Variants in GDPD1 observed in about 807,000 individuals in gnomAD.
The protein encoded by GDPD1 is lysophospholipase D GDPD1.
Under a neutral mutation model 45.1 loss-of-function variants are expected in GDPD1, and 28 were observed. The observed-to-expected ratio is 0.62, with a 90% CI of 0.46 to 0.85. The LOEUF (loss-of-function observed/expected upper bound fraction) is 0.85, where lower values mean the gene tolerates loss of function less well. Ranked by LOEUF, GDPD1 falls within the 40% of genes least tolerant of loss-of-function variation. The pLI, the probability that GDPD1 is intolerant of heterozygous loss-of-function variation, is 0.00. For missense variants in GDPD1, 256 were observed against 364.8 expected (o/e 0.70, Z 2.43); for synonymous variants, 139 against 131.4 (o/e 1.06, Z -0.40).
chr17:59,253,186 C>T (rs975890847), intron 4 of GDPD1, among the ~76,000 whole-genome samples: 8 of 152,052 alleles, frequency 5.3e-5, no homozygotes, highest in African/African-American at 1.9e-4. Flanking sequence ...ACTATTCCAT[C>T]AACCAACACA....
intron 4 of GDPD1, among the ~76,000 whole-genome samples, chr17:59,250,988 G>A (rs1452779183): frequency 2.0e-5 from 3 of 152,116 alleles, no homozygotes; most frequent in African/African-American, 7.2e-5. Context: ...TTATAAGCAT[G>A]AGCCACCACA....
chr17:59,243,721 T>G (rs1346947696), intron 2 of GDPD1, among the ~76,000 whole-genome samples: 2 of 152,254 alleles, frequency 1.3e-5, no homozygotes, highest in African/African-American at 4.8e-5. Flanking sequence ...ATGTGAATTC[T>G]ATATTCTTTG....
At chr17:59,240,410 G>A (rs1336913452) in intron 2 of GDPD1, among the ~76,000 whole-genome samples, 1 of 151,982 alleles carries the variant, frequency 6.6e-6, no homozygotes, top group Admixed American at 6.6e-5. Flanking sequence ...GTATTATTAC[G>A]AAAGAGTCAA....
intron 7 of GDPD1, among the ~76,000 whole-genome samples, chr17:59,267,675 T>C (rs567769502): frequency 6.7e-6 from 1 of 149,284 alleles, no homozygotes; most frequent in Non-Finnish European, 1.5e-5. Flanking sequence ...GGTTTTTTGT[T>C]TTTTTTTTTT....
At chr17:59,247,750 C>G (rs1001728131) in intron 3 of GDPD1, among the ~76,000 whole-genome samples, 5 of 152,062 alleles carry the variant, frequency 3.3e-5, no homozygotes, top group Admixed American at 1.3e-4. Flanking sequence ...CTGCCTCAGC[C>G]CCCCCAAATA....
In GDPD1 at chr17:59,272,775, T is replaced by C; in HGVS notation, c.771-10T>C. The stretch of plus-strand genomic sequence containing the variant: ...AAATTCCTAAATCAGTTTTGCTTTT[T>C]CTTTTCTAGCTTACTAATGAGGAAA... On this transcript the variant is annotated splice_polypyrimidine_tract_variant and intron_variant, in intron 8 of 9. Coordinates refer to ENST00000284116, the MANE Select transcript of GDPD1 (RefSeq NM_182569.4). The C allele has an allele frequency of 6.3e-7, 1 of 1,578,864 alleles. No individual in the cohort carries two copies. The highest frequency in any genetic ancestry group is 8.7e-7 in the Non-Finnish European group (1 of 1,147,892).
chr17:59,238,764 T>C (rs971429139), intron 2 of GDPD1, among the ~76,000 whole-genome samples: 1 of 152,204 alleles, frequency 6.6e-6, no homozygotes, highest in African/African-American at 2.4e-5. Context: ...TTCAAAATTC[T>C]TAATGCCTAA....
intron 1 of GDPD1, among the ~76,000 whole-genome samples, chr17:59,228,486 G>C (rs1475251303): frequency 6.6e-6 from 1 of 152,082 alleles, no homozygotes; most frequent in Non-Finnish European, 1.5e-5. Context: ...GAGACTATGG[G>C]GATACAGAGG....
intron 6 of GDPD1, among the ~76,000 whole-genome samples, chr17:59,262,674 C>G (rs981943624): frequency 2.0e-5 from 3 of 147,778 alleles, no homozygotes; most frequent in African/African-American, 7.5e-5. Context: ...GTCACCCAGG[C>G]TGGAGTGCAA....
At chr17:59,223,866 G>T (rs574895349) in intron 1 of GDPD1, among the ~76,000 whole-genome samples, 1 of 152,276 alleles carries the variant, frequency 6.6e-6, no homozygotes, top group East Asian at 1.9e-4. Context: ...AGCCGAGATG[G>T]TGCCACTGCA....
intron 1 of GDPD1, among the ~76,000 whole-genome samples, chr17:59,226,852 TG>T (rs1300065626): frequency 6.6e-6 from 1 of 151,876 alleles, no homozygotes; most frequent in African/African-American, 2.4e-5. Flanking sequence ...TTTTTTTTTT[TG>T]TATTTTTAGT....
In GDPD1 at chr17:59,275,405, GGTGT is replaced by G. The variant is rs1197992120; in HGVS notation, c.*1635_*1638del. 1 of 435,102 alleles carries G rather than the reference GGTGT, an allele frequency of 2.3e-6. No homozygotes were observed. Among genetic ancestry groups the G allele is most frequent in the Admixed American group, 3.6e-5 (1 of 27,568 alleles). The allele number at this position is 435,102 out of a possible 1,614,324, so 27.0% of individuals were successfully genotyped here. A position where few individuals can be genotyped will look rare whatever the true frequency, so the allele number is the denominator to read the frequency against. ...AACATTCTATTTGAGACCTTTTTCAGGTGTGTAGCAATTCTACCATGTCCATTTT... is the reference window on the plus strand; with the variant it reads ...AACATTCTATTTGAGACCTTTTTCAGGTAGCAATTCTACCATGTCCATTTT... On this transcript the variant is annotated 3_prime_UTR_variant, in exon 10 of 10. Transcript: ENST00000284116.
chr17:59,275,071 A>G lies in GDPD1; in HGVS notation c.*1298A>G. On this transcript the variant is annotated 3_prime_UTR_variant, in exon 10 of 10. Transcript: ENST00000284116. ...TGGCCAGACTGGTCTCGAACTCCTGACCTCAGGTGATCCACCCACCTCGGC... is the reference window on the plus strand; with the variant it reads ...TGGCCAGACTGGTCTCGAACTCCTGGCCTCAGGTGATCCACCCACCTCGGC... 9.1e-7 allele frequency: 1 copy of G among 1,101,334 alleles called. No homozygotes were observed. The highest frequency in any genetic ancestry group is 1.3e-6 in the Non-Finnish European group (1 of 751,718). 68.2% of individuals were successfully genotyped at this position (1,101,334 alleles called of 1,614,324 possible).
intron 2 of GDPD1, among the ~76,000 whole-genome samples, chr17:59,239,906 A>T (rs62083289): frequency 0.1 from 15,373 of 151,004 alleles, 1,031 homozygotes; most frequent in South Asian, 0.26. Flanking sequence ...CTAATTTTTC[A>T]TATTTTTTTT....
At chr17:59,249,422 GTAAATAAA>G (rs934578621) in intron 4 of GDPD1, among the ~76,000 whole-genome samples, 3 of 151,712 alleles carry the variant, frequency 2.0e-5, no homozygotes, top group African/African-American at 7.3e-5. Flanking sequence ...TGAAAATAAA[GTAAATAAA>G]TAAATAAATA....
At chr17:59,225,935 G>A (rs2047044232) in intron 1 of GDPD1, among the ~76,000 whole-genome samples, 1 of 151,400 alleles carries the variant, frequency 6.6e-6, no homozygotes, top group East Asian at 2.0e-4. Flanking sequence ...TGGCCAGGCT[G>A]GTCTCAAACT....
rs942416287 is a variant in GDPD1 at position 59,230,370 on chromosome 17, ATTTTTTTTTTTT to A, written c.143-4103_143-4092del. Among the ~76,000 whole-genome samples, 122 of 80,084 alleles carry A rather than the reference ATTTTTTTTTTTT, an allele frequency of 1.5e-3. 1 individual carries two copies. In the East Asian group the frequency reaches 0.045, roughly 30 times the overall value. 52.5% of individuals were successfully genotyped at this position (80,084 alleles called of 152,430 possible). The stretch of plus-strand genomic sequence containing the variant: ...GAATATTGAACAGGCCAGTTGTAGA[ATTTTTTTTTTTT>A]TTTTTTTTTTTTTTTTTTAGATGGA... On this transcript the variant is annotated intron_variant, in intron 1 of 9. Coordinates refer to ENST00000284116, the MANE Select transcript of GDPD1 (RefSeq NM_182569.4).
intron 3 of GDPD1, among the ~76,000 whole-genome samples, chr17:59,246,723 A>AAAAG (rs1156615025): frequency 3.3e-4 from 50 of 149,410 alleles, no homozygotes; most frequent in African/African-American, 1.1e-3. Flanking sequence ...AAAAAAAAAA[A>AAAAG]AAAAAAAAAG....
chr17:59,238,230 T>G (rs1393198162), intron 2 of GDPD1, among the ~76,000 whole-genome samples: 4 of 134,166 alleles, frequency 3.0e-5, no homozygotes, highest in African/African-American at 1.1e-4. Flanking sequence ...ATTGTGCCAT[T>G]GCACTCCAGC....
Sources: allele counts gnomAD v4.1 joint callset (sites outside exome capture counted in the v4.1 genomes callset), GRCh38; gene constraint gnomAD v4.1.1; transcripts MANE v1.5; gene names NCBI Gene and HGNC (gene_info 2026-07-23, HGNC 2026-07-21).